The following TTLL11 variants were observed in gnomAD, a reference collection of about 807,000 sequenced individuals.
TTLL11 encodes the protein tubulin polyglutamylase TTLL11.
In TTLL11, 42 loss-of-function variants were observed where a neutral mutation model predicts 51.7. The observed-to-expected ratio is 0.81, with a 90% CI of 0.64 to 1.05. The LOEUF is 1.05. Ranked by LOEUF, TTLL11 falls within the 50% of genes least tolerant of loss-of-function variation. The pLI, the probability that TTLL11 is intolerant of heterozygous loss-of-function variation, is 0.00. For synonymous variants in TTLL11, 381 were observed against 383.5 expected (o/e 0.99, Z 0.08); for missense variants, 799 against 940.4 (o/e 0.85, Z 1.97).
At chr9:121,835,409 C>T (rs546113698) in intron 8 of TTLL11, among the ~76,000 whole-genome samples, 9 of 152,246 alleles carry the variant, frequency 5.9e-5, no homozygotes, top group South Asian at 2.1e-4. Flanking sequence ...ACCAGTTCTC[C>T]CCCAACCCAG....
At chr9:122,087,397 C>T (rs372881572) in intron 1 of TTLL11, among the ~76,000 whole-genome samples, 5 of 152,118 alleles carry the variant, frequency 3.3e-5, no homozygotes, top group African/African-American at 1.2e-4. Flanking sequence ...ATTTAATAAA[C>T]AGTAACTAAT....
intron 8 of TTLL11, among the ~76,000 whole-genome samples, chr9:121,844,670 C>T (rs1368971299): frequency 8.6e-5 from 13 of 152,046 alleles, no homozygotes. Context: ...GAAATGGAAA[C>T]TCTAAGAATC....
At chr9:122,091,082 T>C (rs926762547) in intron 1 of TTLL11, among the ~76,000 whole-genome samples, 1 of 152,172 alleles carries the variant, frequency 6.6e-6, no homozygotes. Context: ...ATTTACGGAA[T>C]GAGTGAACGA....
chr9:121,885,929 A>G (rs535419427), intron 6 of TTLL11, among the ~76,000 whole-genome samples: 1 of 152,108 alleles, frequency 6.6e-6, no homozygotes, highest in Non-Finnish European at 1.5e-5. Context: ...GAGTTTCTCT[A>G]TGTTGTCCAG....
At chr9:121,980,770 T>C (rs565729294) in intron 4 of TTLL11, among the ~76,000 whole-genome samples, 88 of 152,342 alleles carry the variant, frequency 5.8e-4, no homozygotes, top group African/African-American at 2.1e-3. Flanking sequence ...CAAATGTCCA[T>C]CAATGATAGA....
Position 121,989,920 on chromosome 9 carries a change from C to T in TTLL11, c.694-150G>A. Reference sequence around the variant, plus strand: ...GGCTGAGCATCTTCCATGGAGATGACACTGCACAAGGTACTGAGATGGTGA... The same window carrying T: ...GGCTGAGCATCTTCCATGGAGATGATACTGCACAAGGTACTGAGATGGTGA... On this transcript the variant is annotated intron_variant, in intron 3 of 8. Transcript: ENST00000321582. The surrounding 1 kb of genome is among the most constrained non-coding windows in gnomAD (Gnocchi z 4.2). The T allele has an allele frequency of 6.9e-7, 1 of 1,451,648 alleles. No homozygotes were observed. The highest frequency in any genetic ancestry group is 9.1e-7 in the Non-Finnish European group (1 of 1,104,572). 89.9% of individuals were successfully genotyped at this position (1,451,648 alleles called of 1,614,324 possible).
At chr9:121,841,213 G>A (rs906605367) in intron 8 of TTLL11, among the ~76,000 whole-genome samples, 3 of 152,340 alleles carry the variant, frequency 2.0e-5, no homozygotes, top group African/African-American at 4.8e-5. Context: ...AGCACAGGAC[G>A]TGTGGGCGAA....
At chr9:122,071,278 C>T (rs1177120092) in intron 1 of TTLL11, among the ~76,000 whole-genome samples, 1 of 152,154 alleles carries the variant, frequency 6.6e-6, no homozygotes, top group African/African-American at 2.4e-5. Context: ...TCATTGGTTA[C>T]TTAATGGCCC....
intron 6 of TTLL11, among the ~76,000 whole-genome samples, chr9:121,893,053 T>A (rs1008007486): frequency 6.6e-6 from 1 of 152,210 alleles, no homozygotes; most frequent in African/African-American, 2.4e-5. Context: ...TTATTAGGCA[T>A]AATAACTAAT....
chr9:122,077,977 TA>T (rs1414438903), intron 1 of TTLL11, among the ~76,000 whole-genome samples: 1 of 152,038 alleles, frequency 6.6e-6, no homozygotes, highest in African/African-American at 2.4e-5. Context: ...AACACAAATC[TA>T]AATAACCCAT....
chr9:121,895,521 CTG>C lies in TTLL11; in HGVS notation c.1482-24775_1482-24774del, dbSNP rs1030298680. ...TGTGTGTAGTTTTGTGTTTGTATGA[CTG>C]TGACTGTGACTGTGTGTTTCGTTGT... On this transcript the variant is annotated intron_variant, in intron 6 of 8. Transcript: ENST00000321582. Among the ~76,000 whole-genome samples, 10 of 147,322 alleles carry C rather than the reference CTG, an allele frequency of 6.8e-5. 1 individual carries two copies. The highest frequency in any genetic ancestry group is 4.7e-4 in the Admixed American group (7 of 14,820).
chr9:122,074,618 T>G (rs950921872), intron 1 of TTLL11, among the ~76,000 whole-genome samples: 1 of 151,862 alleles, frequency 6.6e-6, no homozygotes, highest in Non-Finnish European at 1.5e-5. Context: ...CAAGAGACCA[T>G]GTGCTGGGCA....
intron 6 of TTLL11, among the ~76,000 whole-genome samples, chr9:121,909,350 T>G (rs1840037485): frequency 6.6e-6 from 1 of 152,032 alleles, no homozygotes; most frequent in Non-Finnish European, 1.5e-5. Flanking sequence ...CCGTGCTCCT[T>G]GAGATTATCT....
At chr9:121,879,980 AAAAGAAAAAAG>A (rs1838721438) in intron 6 of TTLL11, among the ~76,000 whole-genome samples, 1 of 152,292 alleles carries the variant, frequency 6.6e-6, no homozygotes, top group East Asian at 1.9e-4. Flanking sequence ...AAAGAAAAAG[AAAAGAAAAAAG>A]AAAGAAAAAG....
At chr9:121,991,028 A>T (rs1588182810) in intron 3 of TTLL11, among the ~76,000 whole-genome samples, 1 of 152,198 alleles carries the variant, frequency 6.6e-6, no homozygotes, top group Admixed American at 6.5e-5. Context: ...GTAAGGGTGG[A>T]TTTGAAAGAG....
rs548672480 is a variant in TTLL11, at chr9:121,838,098, T to A, written c.1841-15219A>T. Among the ~76,000 whole-genome samples the A allele has an allele frequency of 2.4e-4, 36 of 152,360 alleles. 1 individual carries two copies. Among genetic ancestry groups the A allele is most frequent in the Middle Eastern group, 6.8e-3 (2 of 294 alleles). On this transcript the variant is annotated intron_variant, in intron 8 of 8. Coordinates refer to ENST00000321582, the MANE Select transcript of TTLL11 (RefSeq NM_001139442.2). ...AATCATTGTCTCCAGGCCAGCCTGC[T>A]TTTTTGCCACTGGGATATCGCATTA... is the stretch of plus-strand genomic sequence containing the variant.
chr9:121,927,364 G>A (rs1031927856), intron 6 of TTLL11, among the ~76,000 whole-genome samples: 15 of 152,204 alleles, frequency 9.9e-5, no homozygotes, highest in African/African-American at 3.1e-4. Context: ...AAGCTTTTCA[G>A]TTCCTCCGGG....
At chr9:122,039,861 A>ATCTCTC (rs145587739) in intron 1 of TTLL11, among the ~76,000 whole-genome samples, 1,484 of 147,706 alleles carry the variant, frequency 0.01, 27 homozygotes, top group African/African-American at 0.034. Flanking sequence ...CTCTTCCCTT[A>ATCTCTC]TCTCTCTCTC....
At chr9:122,028,762 A>G (rs1255779470) in intron 3 of TTLL11, among the ~76,000 whole-genome samples, 1 of 152,222 alleles carries the variant, frequency 6.6e-6, no homozygotes, top group Non-Finnish European at 1.5e-5. Context: ...AAGATGGACA[A>G]TGTGTAAGCC....
Sources: gnomAD v4.1 joint callset for allele counts (sites outside exome capture counted in the v4.1 genomes callset) on GRCh38, gnomAD v4.1.1 for gene constraint, Gnocchi (gnomAD v3.1) non-coding constraint, MANE v1.5 for transcripts, NCBI Gene and HGNC (gene_info 2026-07-23, HGNC 2026-07-21) for gene names.